Variants in FZD6 observed in about 807,000 individuals in gnomAD.
FZD6 encodes the protein frizzled-6.
In FZD6, 49 loss-of-function variants were observed where a neutral mutation model predicts 61.4. The observed-to-expected ratio is 0.80, with a 90% confidence interval of 0.63 to 1.01. The LOEUF is 1.01. Ranked by LOEUF, FZD6 falls within the 50% of genes least tolerant of loss-of-function variation. The pLI, the probability that FZD6 is intolerant of heterozygous loss-of-function variation, is 0.00. For synonymous variants in FZD6, 265 were observed against 292.2 expected (o/e 0.91, Z 0.95); for missense variants, 724 against 848.2 (o/e 0.85, Z 1.82).
chr8:103,327,239 A>G (rs928019683), intron 4 of FZD6, among the ~76,000 whole-genome samples: 1 of 152,236 alleles, frequency 6.6e-6, no homozygotes, highest in Admixed American at 6.5e-5. Context: ...GTAAGTATCT[A>G]TTAACAGGGA....
At chr8:103,302,105 G>A (rs943959784) in intron 2 of FZD6, among the ~76,000 whole-genome samples, 1 of 151,920 alleles carries the variant, frequency 6.6e-6, no homozygotes, top group Admixed American at 6.6e-5. Flanking sequence ...CCATCAAGCA[G>A]TCACAATACC....
rs748578409 is a variant in FZD6, at chr8:103,329,771, T to A, written c.1658T>A (p.Val553Asp). 2 of 1,614,048 alleles carry A rather than the reference T, an allele frequency of 1.2e-6. No homozygotes were observed. Among genetic ancestry groups the A allele is most frequent in the Non-Finnish European group, 1.7e-6 (2 of 1,179,922 alleles). The change falls in exon 6 of 7, where the codon GTC becomes GAC. Residue 553 changes from valine (V) to aspartate (D), a missense_variant. Transcript: ENST00000358755. ...HYKPSSHKLK[V>D]ISKSMGTSTG... ...AAACCAAGTTCACACAAGCTGAAGG[T>A]CATTTCCAAATCCATGGGAACCAGC... is the stretch of plus-strand genomic sequence containing the variant.
chr8:103,316,094 A>G (rs1195506631), intron 2 of FZD6, among the ~76,000 whole-genome samples: 1 of 152,200 alleles, frequency 6.6e-6, no homozygotes, highest in South Asian at 2.1e-4. Flanking sequence ...GTCAGTGATA[A>G]TATTACTAGA....
In FZD6 at chr8:103,330,053, G is replaced by C; in HGVS notation, c.1940G>C (p.Arg647Pro). The C allele has an allele frequency of 6.2e-7, 1 of 1,613,542 alleles. No homozygotes were observed. Among genetic ancestry groups the C allele is most frequent in the South Asian group, 1.1e-5 (1 of 91,062 alleles). ...GQAGSVSESA[R>P]SEGRISPKSD... is the part of the protein sequence containing the mutation. Reference sequence around the variant, plus strand: ...GCAGGCAGTGTATCTGAAAGTGCGCGGAGTGAAGGAAGGTGAGATTTGATT... The same window carrying C: ...GCAGGCAGTGTATCTGAAAGTGCGCCGAGTGAAGGAAGGTGAGATTTGATT... Residue 647 changes from arginine to proline, a missense_variant, in exon 6 of 7, where the codon CGG (arginine) becomes CCG (proline). Coordinates refer to ENST00000358755, the MANE Select transcript of FZD6 (RefSeq NM_003506.4).
Position 103,325,493 on chromosome 8 carries a change from T to C in FZD6, c.1387T>C (p.Tyr463His). ...HCRQYHIPCPYQAKAKARPEL... is the reference protein window; with the variant it reads ...HCRQYHIPCPHQAKAKARPEL... ...TCGTCAGTACCATATCCCATGTCCT[T>C]ATCAGGTAAAAGCTATCACTTGGAT... is the stretch of plus-strand genomic sequence containing the variant. The change falls in exon 4 of 7, where the codon TAT becomes CAT. Residue 463 changes from tyrosine (Y) to histidine (H), a missense_variant. Tyr to His is a moderately conservative substitution (Grantham distance 83). Coordinates refer to ENST00000358755, the MANE Select transcript of FZD6 (RefSeq NM_003506.4). 1 of 1,606,898 alleles carries C rather than the reference T, an allele frequency of 6.2e-7. No individual in the cohort carries two copies. Among genetic ancestry groups the C allele is most frequent in the Non-Finnish European group, 8.5e-7 (1 of 1,173,524 alleles).
intron 3 of FZD6, among the ~76,000 whole-genome samples, chr8:103,320,955 T>C (rs1401112852): frequency 6.6e-6 from 1 of 152,142 alleles, no homozygotes; most frequent in Non-Finnish European, 1.5e-5. Context: ...CAGGCAAAAA[T>C]TCCTGCCATC....
chr8:103,310,730 C>T (rs1489317681), intron 2 of FZD6, among the ~76,000 whole-genome samples: 1 of 152,242 alleles, frequency 6.6e-6, no homozygotes, highest in Non-Finnish European at 1.5e-5. Flanking sequence ...CTCATTTGAT[C>T]TCCCACAGCC....
chr8:103,309,945 A>C (rs896744359), intron 2 of FZD6, among the ~76,000 whole-genome samples: 2 of 152,170 alleles, frequency 1.3e-5, no homozygotes, highest in African/African-American at 2.4e-5. Flanking sequence ...TTTTGACTTG[A>C]TGCTCCCAAG....
chr8:103,312,580 A>G (rs988508063), intron 2 of FZD6, among the ~76,000 whole-genome samples: 7 of 152,364 alleles, frequency 4.6e-5, no homozygotes, highest in Admixed American at 6.5e-5. Context: ...AAATATCTCA[A>G]TGAGTCATGT....
In FZD6 at chr8:103,324,651, C is replaced by T. The variant is rs751062369; in HGVS notation, c.545C>T (p.Ala182Val). 21 of 1,613,998 alleles carry T rather than the reference C, an allele frequency of 1.3e-5. 1 individual carries two copies. The highest frequency in any genetic ancestry group is 5.5e-5 in the South Asian group (5 of 91,082). ...AAGTTTCTGGGAATTGACCAGTGTG[C>T]GCCTCCATGCCCCAACATGTATTTT... ...GYKFLGIDQC[A>V]PPCPNMYFKS... The change falls in exon 4 of 7, where the codon GCG becomes GTG. Residue 182 changes from alanine (A) to valine (V), a missense_variant. Ala to Val is a moderately conservative substitution (Grantham distance 64). Coordinates refer to ENST00000358755, the MANE Select transcript of FZD6 (RefSeq NM_003506.4).
rs575353235 is a variant in FZD6 at position 103,321,569 on chromosome 8, G to C, written c.374+2783G>C. Among the ~76,000 whole-genome samples, 8 of 152,312 alleles carry C rather than the reference G, an allele frequency of 5.3e-5. No homozygotes were observed. The South Asian group carries it at 1.2e-3, about 24-fold the overall frequency. On this transcript the variant is annotated intron_variant, in intron 3 of 6. Transcript: ENST00000358755. ...ACATAACTGTGGTAAAAACATGAAG[G>C]CTGCATCTATTATTTGAGAAACGGC...
chr8:103,326,671 A>AT (rs1814959309), intron 4 of FZD6, among the ~76,000 whole-genome samples: 1 of 147,864 alleles, frequency 6.8e-6, no homozygotes, highest in African/African-American at 2.5e-5. Context: ...GTAAAAAAAA[A>AT]TTTTTTTAAA....
At chr8:103,301,014 A>T in intron 2 of FZD6, among the ~76,000 whole-genome samples, 1 of 152,172 alleles carries the variant, frequency 6.6e-6, no homozygotes, top group Non-Finnish European at 1.5e-5. Context: ...AAGTCTCCTG[A>T]AGGAAACTAG....
At chr8:103,325,852 TAGTA>T (rs1328947548) in intron 4 of FZD6, among the ~76,000 whole-genome samples, 1 of 149,352 alleles carries the variant, frequency 6.7e-6, no homozygotes, top group Admixed American at 6.6e-5. Flanking sequence ...ATTTTTTAGT[TAGTA>T]GTAAAAAATC....
chr8:103,317,846 G>C (rs867876663), intron 2 of FZD6, among the ~76,000 whole-genome samples: 1 of 147,876 alleles, frequency 6.8e-6, no homozygotes, highest in Admixed American at 6.8e-5. Flanking sequence ...AAAAAAGAAA[G>C]AAAGAAAGAA....
In FZD6 at chr8:103,300,206, G is replaced by A. The variant is rs374556380; in HGVS notation, c.99G>A (p.Met33Ile). 2.5e-6 allele frequency: 4 copies of A among 1,608,794 alleles called. No individual in the cohort carries two copies. In the African/African-American group the frequency reaches 4.0e-5, roughly 16 times the overall value. ...TCEPITVPRC[M>I]KMAYNMTFFP... ...AACCAATTACTGTTCCCAGATGTAT[G>A]AAAATGGCCTACAACATGACGTTTT... Residue 33 changes from methionine to isoleucine, a missense_variant, in exon 2 of 7, where the codon ATG (methionine) becomes ATA (isoleucine). Met to Ile is a conservative substitution (Grantham distance 10). Transcript: ENST00000358755.
At chr8:103,325,534 A>C in intron 4 of FZD6, 36 bp downstream of exon 4, 1 of 1,455,256 alleles carries the variant, frequency 6.9e-7, no homozygotes, top group Non-Finnish European at 9.7e-7. Flanking sequence ...CTCTATTTAC[A>C]TTTAATGTAG....
Position 103,331,399 on chromosome 8 carries a change from G to A in FZD6, c.2011G>A (p.Val671Ile), listed in dbSNP as rs1376631182. ...CCTGGCACAGAGCAACAATTTGCAG[G>A]TCCCCAGTTCTTCAGAACCAAGCAG... ...TGLAQSNNLQ[V>I]PSSSEPSSLK... Residue 671 changes from valine (V) to isoleucine (I), a missense_variant, in exon 7 of 7, where the codon GTC (valine) becomes ATC (isoleucine). By Grantham distance (29) the Val-to-Ile change is conservative. Coordinates refer to ENST00000358755, the MANE Select transcript of FZD6 (RefSeq NM_003506.4). The A allele has an allele frequency of 6.2e-7, 1 of 1,610,564 alleles. No individual in the cohort carries two copies. The highest frequency in any genetic ancestry group is 2.2e-5 in the East Asian group (1 of 44,870).
In FZD6 at chr8:103,331,954, T is replaced by G. The variant is rs529787313; in HGVS notation, c.*445T>G. ...TATTTGAACTTTTTTGAAATCCTAT[T>G]CAAGTATTTTTATCATGCTATTGTG... On this transcript the variant is annotated 3_prime_UTR_variant, in exon 7 of 7. Transcript: ENST00000358755. 6.1e-6 allele frequency: 1 copy of G among 164,908 alleles called. No individual in the cohort carries two copies. The highest frequency in any genetic ancestry group is 1.6e-4 in the South Asian group (1 of 6,216). 10.2% of individuals were successfully genotyped at this position (164,908 alleles called of 1,614,324 possible). A position where few individuals can be genotyped will look rare whatever the true frequency, so the allele number is the denominator to read the frequency against.
Sources: allele counts gnomAD v4.1 joint callset (sites outside exome capture counted in the v4.1 genomes callset), GRCh38; gene constraint gnomAD v4.1.1; transcripts MANE v1.5; gene names NCBI Gene and HGNC (gene_info 2026-07-23, HGNC 2026-07-21).